The following PON3 variants were observed in gnomAD, a reference collection of about 807,000 sequenced individuals.
PON3 encodes paraoxonase 3, also known as serum paraoxonase/lactonase 3.
A neutral mutation model predicts 36.3 loss-of-function variants in PON3; 37 were observed. That is an observed-to-expected ratio of 1.02 (90% CI 0.78 to 1.34). PON3 has a LOEUF of 1.34. PON3 is among the 40% of genes most tolerant of loss of function. The pLI is 0.00. For synonymous variants in PON3, 155 were observed against 154.8 expected, an observed-to-expected ratio of 1.00 and a Z score of -0.01; for missense variants, 415 against 426.5, an observed-to-expected ratio of 0.97 and a Z score of 0.24.
intron 8 of PON3, among the ~76,000 whole-genome samples, chr7:95,360,884 AGG>A (rs915490040): frequency 1.3e-5 from 2 of 152,156 alleles, no homozygotes; most frequent in African/African-American, 4.8e-5. Context: ...CCTTCATCTC[AGG>A]TTTGTTAGAC....
intron 3 of PON3, chr7:95,377,514 A>T (rs1808946942): frequency 2.5e-6 from 1 of 397,964 alleles, no homozygotes; most frequent in Non-Finnish European, 5.0e-6. Flanking sequence ...GACACCTCCC[A>T]GTAGGGGCTG....
At chr7:95,373,131 C>T (rs1171012017) in intron 3 of PON3, among the ~76,000 whole-genome samples, 3 of 152,180 alleles carry the variant, frequency 2.0e-5, no homozygotes, top group African/African-American at 7.2e-5. Context: ...TCCATGTCCC[C>T]TATCTATCAC....
At chr7:95,369,568 A>G (rs770826755) in intron 4 of PON3, among the ~76,000 whole-genome samples, 1 of 152,198 alleles carries the variant, frequency 6.6e-6, no homozygotes, top group Admixed American at 6.5e-5. Context: ...TGAGGTCAGA[A>G]GTTCGAGACC....
rs551138178 is a variant in PON3, at chr7:95,391,660, G to T, written c.146-1451C>A. 2.0e-5 allele frequency among the ~76,000 whole-genome samples: 3 copies of T among 152,282 alleles called. 1 individual carries two copies. The highest frequency in any genetic ancestry group is 7.2e-5 in the African/African-American group (3 of 41,566). ...AGAATTTTTCTCCAGCTCTGTTACA[G>T]CCTACTATACCCTACCTAAAATCCT... On this transcript the variant is annotated intron_variant, in intron 2 of 8. Coordinates refer to ENST00000265627, the MANE Select transcript of PON3 (RefSeq NM_000940.3).
intron 3 of PON3, among the ~76,000 whole-genome samples, chr7:95,378,769 G>A (rs1808977050): frequency 6.6e-6 from 1 of 152,168 alleles, no homozygotes; most frequent in East Asian, 1.9e-4. Flanking sequence ...AACATGGAAA[G>A]GAACAACCAG....
chr7:95,379,017 C>T (rs531557375), intron 3 of PON3, among the ~76,000 whole-genome samples: 1 of 150,042 alleles, frequency 6.7e-6, no homozygotes, highest in Non-Finnish European at 1.5e-5. Flanking sequence ...ATCTCATGTG[C>T]AAAGACACAC....
At chr7:95,361,431 T>C (rs1017943837) in intron 8 of PON3, among the ~76,000 whole-genome samples, 1 of 152,166 alleles carries the variant, frequency 6.6e-6, no homozygotes, top group Non-Finnish European at 1.5e-5. Flanking sequence ...CAAATTGTAC[T>C]TTCTCAATGA....
At chr7:95,374,037 G>A (rs1808864990) in intron 3 of PON3, among the ~76,000 whole-genome samples, 3 of 152,118 alleles carry the variant, frequency 2.0e-5, no homozygotes, top group East Asian at 1.9e-4. Context: ...TGCTCCTTAT[G>A]AGAATCTAAT....
At chr7:95,374,968 C>CAGAGTT (rs1808882727) in intron 3 of PON3, among the ~76,000 whole-genome samples, 2 of 152,018 alleles carry the variant, frequency 1.3e-5, no homozygotes, top group South Asian at 2.1e-4. Context: ...TTCAAGTCTG[C>CAGAGTT]ACATTTATTT....
intron 3 of PON3, among the ~76,000 whole-genome samples, chr7:95,382,213 G>A (rs1223978897): frequency 2.0e-5 from 3 of 152,096 alleles, no homozygotes; most frequent in Non-Finnish European, 4.4e-5. Flanking sequence ...GTGTGTAGAG[G>A]GAAATTTATA....
At position 95,390,182 on chromosome 7, in the gene PON3, A is replaced by G. The variant is rs768735429; in HGVS notation, c.173T>C (p.Leu58Pro). 6.2e-7 allele frequency: 1 copy of G among 1,612,104 alleles called. No individual in the cohort carries two copies. Among genetic ancestry groups the G allele is most frequent in the African/African-American group, 1.3e-5 (1 of 75,006 alleles). Residue 58 changes from leucine to proline, a missense_variant, in exon 3 of 9, where the codon CTT becomes CCT. Leu to Pro is a moderately conservative substitution (Grantham distance 98). Transcript: ENST00000265627. ...LESGSEDIDI[L>P]PSGLAFISSG... is the part of the protein sequence containing the mutation. Reference sequence around the variant, plus strand: ...GGAGATAAAAGCCAGCCCACTAGGAAGTATATCAATATCTTCAGAGCCACT... The same window carrying G: ...GGAGATAAAAGCCAGCCCACTAGGAGGTATATCAATATCTTCAGAGCCACT...
intron 5 of PON3, 164 bp from the exon 6 acceptor site, chr7:95,364,227 C>T (rs769433592): frequency 1.8e-5 from 12 of 654,838 alleles, no homozygotes; most frequent in Admixed American, 4.9e-5. Context: ...CATGATTCTG[C>T]ATTGCCCTGA....
At chr7:95,363,813 C>T in intron 6 of PON3, 50 bp downstream of exon 6, 14 of 1,537,836 alleles carry the variant, frequency 9.1e-6, no homozygotes, top group Non-Finnish European at 1.3e-5. Flanking sequence ...GGAAAGGAGT[C>T]CACGAAAATG....
At position 95,360,008 on chromosome 7, in the gene PON3, T is replaced by G. The variant is rs1238275621; in HGVS notation, c.1030A>C (p.Thr344Pro). 1 of 1,613,012 alleles carries G rather than the reference T, an allele frequency of 6.2e-7. No homozygotes were observed. The highest frequency in any genetic ancestry group is 1.7e-5 in the Admixed American group (1 of 59,876). The change falls in exon 9 of 9, where the codon ACC becomes CCC. Residue 344 changes from threonine (T) to proline (P), a missense_variant. Physicochemically the swap from Thr to Pro is conservative, Grantham distance 38. Transcript: ENST00000265627. Reference protein sequence around the residue: ...SVYHGKILIGTVFHKTLYCEL With the variant: ...SVYHGKILIGPVFHKTLYCEL The stretch of plus-strand genomic sequence containing the variant: ...CAGTACAGAGTTTTGTGAAATACGG[T>G]GCCTATGAGAATTTTCCCATGGTAC...
rs950500399 is a variant in PON3 at position 95,364,035 on chromosome 7, C to T, written c.523G>A (p.Glu175Lys). ...SVNDIVVLGPEQFYATRDHYF... is the reference protein window; with the variant it reads ...SVNDIVVLGPKQFYATRDHYF... ...TGGTCTCTGGTGGCATAGAACTGTT[C>T]TGGTCCAAGAACCACAATGTCATTC... Residue 175 changes from glutamate (E) to lysine (K), a missense_variant, in exon 6 of 9, where the codon GAA becomes AAA. Transcript: ENST00000265627. 14 of 1,613,714 alleles carry T rather than the reference C, an allele frequency of 8.7e-6. 1 individual carries two copies. The highest frequency in any genetic ancestry group is 8.3e-5 in the Admixed American group (5 of 59,980).
intron 1 of PON3, among the ~76,000 whole-genome samples, chr7:95,395,005 G>A (rs1809398058): frequency 6.6e-6 from 1 of 152,144 alleles, no homozygotes; most frequent in African/African-American, 2.4e-5. Context: ...AATAGTATGA[G>A]TAATTGAACA....
intron 7 of PON3, 102 bp downstream of exon 7, chr7:95,362,658 C>T: frequency 7.2e-7 from 1 of 1,380,672 alleles, no homozygotes; most frequent in Non-Finnish European, 1.0e-6. Flanking sequence ...TGGCATTGCT[C>T]TCAAATAGCC....
chr7:95,371,815 T>C (rs1808812909), intron 4 of PON3, among the ~76,000 whole-genome samples: 1 of 152,128 alleles, frequency 6.6e-6, no homozygotes, highest in East Asian at 1.9e-4. Flanking sequence ...TTTGTTTTTT[T>C]CCCCCTTATG....
intron 3 of PON3, among the ~76,000 whole-genome samples, chr7:95,389,314 C>T (rs962376216): frequency 2.0e-5 from 3 of 152,066 alleles, no homozygotes; most frequent in Non-Finnish European, 4.4e-5. Flanking sequence ...ATTCAGGCCA[C>T]GGTTATTATA....
Sources: gnomAD v4.1 joint callset for allele counts (sites outside exome capture counted in the v4.1 genomes callset) on GRCh38, gnomAD v4.1.1 for gene constraint, MANE v1.5 for transcripts, NCBI Gene and HGNC (gene_info 2026-07-23, HGNC 2026-07-21) for gene names.